Variants in JAK2 observed in about 807,000 individuals in gnomAD.
JAK2 encodes the protein tyrosine-protein kinase JAK2.
In JAK2, 86 loss-of-function variants were observed where a neutral mutation model predicts 139.3. That is an observed-to-expected ratio of 0.62 (90% CI 0.52 to 0.74). JAK2 has a LOEUF of 0.74. JAK2 is among the 30% of genes least tolerant of loss of function. The pLI, the probability that JAK2 is intolerant of heterozygous loss-of-function variation, is 0.00. For synonymous variants in JAK2, 490 were observed against 437.7 expected, an observed-to-expected ratio of 1.12 and a Z score of -1.49; for missense variants, 1,421 against 1,360.3, an observed-to-expected ratio of 1.04 and a Z score of -0.70.
chr9:5,065,015 C>G lies in JAK2; in HGVS notation c.1189C>G (p.Gln397Glu), dbSNP rs2130493514. ...ACCTCCAGCCGTGCTTGAAAATATACAAAGCAACTGTCATGGCCCAATTTC... is the reference window on the plus strand; with the variant it reads ...ACCTCCAGCCGTGCTTGAAAATATAGAAAGCAACTGTCATGGCCCAATTTC... ...VAPPAVLENIQSNCHGPISMD... is the reference protein window; with the variant it reads ...VAPPAVLENIESNCHGPISMD... The change falls in exon 9 of 25, where the codon CAA becomes GAA. Residue 397 changes from glutamine to glutamate, a missense_variant. Physicochemically the swap from Gln to Glu is conservative, Grantham distance 29. Coordinates refer to ENST00000381652, the MANE Select transcript of JAK2 (RefSeq NM_004972.4). 6.2e-7 allele frequency: 1 copy of G among 1,601,416 alleles called. No homozygotes were observed. Among genetic ancestry groups the G allele is most frequent in the South Asian group, 1.1e-5 (1 of 88,300 alleles).
At chr9:5,090,966 ATTG>A (rs3831163) in intron 22 of JAK2, 55 bp downstream of exon 22, 290,733 of 1,161,496 alleles carry the variant, frequency 0.25, 39,212 homozygotes, top group Admixed American at 0.29. Flanking sequence ...TTCAAACTTT[ATTG>A]TTGTTATTTA....
In JAK2 at chr9:5,080,240, A is replaced by G. The variant is rs755271287; in HGVS notation, c.2143A>G (p.Arg715Gly). 9 of 1,611,284 alleles carry G rather than the reference A, an allele frequency of 5.6e-6. No individual in the cohort carries two copies. The East Asian group carries it at 2.0e-4, about 36-fold the overall frequency. ...TVLPKDILQE[R>G]IPWVPPECIE... ...GTATCATTTAAAAGTTCTTCAGGAG[A>G]GAATACCATGGGTACCACCTGAATG... The change falls in exon 17 of 25, where the codon AGA becomes GGA. Residue 715 changes from arginine to glycine, a missense_variant. Physicochemically the swap from Arg to Gly is moderately radical, Grantham distance 125. Coordinates refer to ENST00000381652, the MANE Select transcript of JAK2 (RefSeq NM_004972.4).
chr9:5,097,455 A>T (rs1048907533), intron 22 of JAK2: 1 of 152,146 alleles, frequency 6.6e-6, no homozygotes, highest in African/African-American at 2.4e-5. Context: ...AAAAGGAGCC[A>T]TTTGGGTATA....
chr9:5,038,486 C>A (rs1335718393), intron 4 of JAK2, among the ~76,000 whole-genome samples: 2 of 152,126 alleles, frequency 1.3e-5, no homozygotes, highest in East Asian at 3.9e-4. Context: ...AAACTACAGA[C>A]CAATGTTGTA....
intron 22 of JAK2, among the ~76,000 whole-genome samples, chr9:5,118,655 A>G (rs753716952): frequency 1.3e-5 from 2 of 152,202 alleles, no homozygotes; most frequent in Non-Finnish European, 2.9e-5. Context: ...TGCACTTTAC[A>G]GATGTAAACG....
At chr9:5,085,275 TG>T in intron 19 of JAK2, 1 of 696,950 alleles carries the variant, frequency 1.4e-6, no homozygotes, top group South Asian at 1.4e-5. Context: ...CAGCTGATGT[TG>T]GTTTGCCTAT....
chr9:5,019,523 G>T (rs770977741), intron 2 of JAK2, among the ~76,000 whole-genome samples: 16 of 152,006 alleles, frequency 1.1e-4, no homozygotes, highest in Non-Finnish European at 1.3e-4. Context: ...TCTTTTTCTG[G>T]CATTTCATGA....
At chr9:5,044,280 T>G (rs1442144417) in intron 4 of JAK2, 123 bp from the exon 5 acceptor site, 2 of 663,770 alleles carry the variant, frequency 3.0e-6, no homozygotes, top group Admixed American at 2.6e-5. Context: ...TATTTAATAC[T>G]GTTAGCTGTG....
chr9:5,084,869 C>A, intron 19 of JAK2: 1 of 388,528 alleles, frequency 2.6e-6, no homozygotes, highest in Non-Finnish European at 5.0e-6. Context: ...AAACAAATTG[C>A]CCATCAATAA....
In JAK2 at chr9:5,069,076, G is replaced by C; in HGVS notation, c.1381G>C (p.Glu461Gln). 1.9e-6 allele frequency: 3 copies of C among 1,607,796 alleles called. No individual in the cohort carries two copies. The highest frequency in any genetic ancestry group is 2.2e-5 in the East Asian group (1 of 44,566). The change falls in exon 11 of 25, where the codon GAG becomes CAG. Residue 461 changes from glutamate (E) to glutamine (Q), a missense_variant. Physicochemically the swap from Glu to Gln is conservative, Grantham distance 29 (BLOSUM62 2). Coordinates refer to ENST00000381652, the MANE Select transcript of JAK2 (RefSeq NM_004972.4). ...HCLITKNENE[E>Q]YNLSGTKKNF... ...TTTGATTACAAAAAATGAGAATGAA[G>C]AGTACAACCTCAGTGGGACAAAGAA...
intron 2 of JAK2, among the ~76,000 whole-genome samples, chr9:4,992,479 C>T (rs913875183): frequency 9.9e-5 from 15 of 152,250 alleles, no homozygotes; most frequent in Non-Finnish European, 1.9e-4. Context: ...TTATGGCCAT[C>T]TTTGGACAAT....
In JAK2 at chr9:5,128,570, C is replaced by G. The variant is rs1181252112; in HGVS notation, c.*1779C>G. Among the ~76,000 whole-genome samples, 1 of 151,816 alleles carries G rather than the reference C, an allele frequency of 6.6e-6. No individual in the cohort carries two copies. The highest frequency in any genetic ancestry group is 1.5e-5 in the Non-Finnish European group (1 of 67,752). ...TTCTTATCAAGGGTCTCTAACATTG[C>G]TTTTTAAAACAAGATGTGAACTAAC... On this transcript the variant is annotated 3_prime_UTR_variant, in exon 25 of 25. Transcript: ENST00000381652.
At chr9:5,090,960 A>G (rs1234600405) in intron 22 of JAK2, 49 bp downstream of exon 22, 3 of 1,264,782 alleles carry the variant, frequency 2.4e-6, no homozygotes, top group Non-Finnish European at 3.3e-6. Context: ...ACAGACTTCA[A>G]ACTTTATTGT....
intron 9 of JAK2, 111 bp from the exon 10 acceptor site, chr9:5,066,567 G>A: frequency 3.0e-6 from 2 of 658,620 alleles, no homozygotes; most frequent in East Asian, 2.9e-5. Flanking sequence ...ATAAAGTAGA[G>A]GAGACAATTC....
intron 5 of JAK2, among the ~76,000 whole-genome samples, chr9:5,048,293 C>T (rs1470279993): frequency 2.0e-5 from 3 of 152,088 alleles, no homozygotes; most frequent in Admixed American, 2.0e-4. Context: ...AGGTGCCTGC[C>T]ACTACGCCCG....
intron 19 of JAK2, chr9:5,085,787 A>G (rs1820048335): frequency 1.3e-6 from 1 of 754,960 alleles, no homozygotes; most frequent in Middle Eastern, 2.3e-4. Flanking sequence ...GATGAATATT[A>G]CATGCTCGGG....
intron 2 of JAK2, among the ~76,000 whole-genome samples, chr9:4,998,237 GA>G (rs1453491265): frequency 6.6e-6 from 1 of 151,700 alleles, no homozygotes; most frequent in South Asian, 2.1e-4. Flanking sequence ...GATCTTAAGG[GA>G]AAAAAAACTC....
rs530359908 is a variant in JAK2 at position 5,101,879 on chromosome 9, C to G, written c.3059+10968C>G. Among the ~76,000 whole-genome samples, 7 of 152,270 alleles carry G rather than the reference C, an allele frequency of 4.6e-5. No individual in the cohort carries two copies. The South Asian group carries it at 1.5e-3, about 32-fold the overall frequency. ...AACATCAACAAAAAGGGCATCCACACCAAAACCCCATCTGTAGGTTACCAG... is the reference window on the plus strand; with the variant it reads ...AACATCAACAAAAAGGGCATCCACAGCAAAACCCCATCTGTAGGTTACCAG... On this transcript the variant is annotated intron_variant, in intron 22 of 24. Coordinates refer to ENST00000381652, the MANE Select transcript of JAK2 (RefSeq NM_004972.4).
intron 22 of JAK2, chr9:5,110,713 T>C (rs1224013775): frequency 5.8e-6 from 2 of 347,346 alleles, no homozygotes; most frequent in Non-Finnish European, 1.1e-5. Flanking sequence ...TGCCACCTCC[T>C]TAACTGCTGG....
Sources: gnomAD v4.1 joint callset for allele counts (sites outside exome capture counted in the v4.1 genomes callset) on GRCh38, gnomAD v4.1.1 for gene constraint, MANE v1.5 for transcripts, NCBI Gene and HGNC (gene_info 2026-07-23, HGNC 2026-07-21) for gene names.